SELENON: variants seen among roughly 807,000 people sequenced by gnomAD.
The protein encoded by SELENON is selenoprotein N, 1.
In SELENON, 44 loss-of-function variants were observed where a neutral mutation model predicts 59.5. That is an observed-to-expected ratio of 0.74 (90% CI 0.58 to 0.95). SELENON has a LOEUF of 0.95. Ranked by LOEUF, SELENON falls within the 40% of genes least tolerant of loss-of-function variation. SELENON has a pLI of 0.00. For synonymous variants in SELENON, 320 were observed against 305.6 expected, an observed-to-expected ratio of 1.05 and a Z score of -0.49; for missense variants, 674 against 721.4, an observed-to-expected ratio of 0.93 and a Z score of 0.75.
Position 25,814,067 on chromosome 1 carries a change from G to A in SELENON, c.1501-10G>A. 1 of 1,613,496 alleles carries A rather than the reference G, an allele frequency of 6.2e-7. No individual in the cohort carries two copies. Among genetic ancestry groups the A allele is most frequent in the African/African-American group, 1.3e-5 (1 of 75,014 alleles). ...GCCGCGGCATCAGGAGTGTGCAACTGTCCCCACAGAACAACCAGGAGAACT... is the reference window on the plus strand; with the variant it reads ...GCCGCGGCATCAGGAGTGTGCAACTATCCCCACAGAACAACCAGGAGAACT... On this transcript the variant is annotated splice_polypyrimidine_tract_variant and intron_variant, in intron 11 of 12. Coordinates refer to ENST00000361547, the MANE Select transcript of SELENON (RefSeq NM_020451.3).
At chr1:25,808,920 C>T in intron 5 of SELENON, 106 bp from the exon 5 acceptor site, 1 of 1,587,730 alleles carries the variant, frequency 6.3e-7, no homozygotes, top group Admixed American at 1.7e-5. Flanking sequence ...GACCTGCCCC[C>T]TCCCCATGGG....
In SELENON at chr1:25,809,069, T is replaced by C. The variant is rs1374573673; in HGVS notation, c.791T>C (p.Phe264Ser). 1 of 1,613,822 alleles carries C rather than the reference T, an allele frequency of 6.2e-7. No individual in the cohort carries two copies. The highest frequency in any genetic ancestry group is 8.5e-7 in the Non-Finnish European group (1 of 1,180,026). Reference sequence around the variant, plus strand: ...CTGAGCATGTTCCACCCTCGGCCCTTTGTGAAGACCCGCTTTGCCCCTCAG... The same window carrying C: ...CTGAGCATGTTCCACCCTCGGCCCTCTGTGAAGACCCGCTTTGCCCCTCAG... Residue 264 changes from phenylalanine (F) to serine (S), a missense_variant, in exon 6 of 13, where the codon TTT becomes TCT. By Grantham distance (155) the Phe-to-Ser change is radical. Coordinates refer to ENST00000361547, the MANE Select transcript of SELENON (RefSeq NM_020451.3).
Position 25,807,522 on chromosome 1 carries a change from T to A in SELENON, c.538-1058T>A, listed in dbSNP as rs1429316477. Among the ~76,000 whole-genome samples the A allele has an allele frequency of 6.6e-6, 1 of 152,050 alleles. No homozygotes were observed. Among genetic ancestry groups the A allele is most frequent in the Non-Finnish European group, 1.5e-5 (1 of 67,998 alleles). ...TCCGCACAGACAACAAGAACTGGGG[T>A]GAGGCAGGAGCAGCACCCCTAGCCC... On this transcript the variant is annotated intron_variant, in intron 4 of 12. Coordinates refer to ENST00000361547, the MANE Select transcript of SELENON (RefSeq NM_020451.3). This position sits in a 1 kb window ranked among gnomAD's most constrained non-coding sequence, Gnocchi z 4.5.
chr1:25,812,564 A>ACAC lies in SELENON; in HGVS notation c.1282-123_1282-122insCAC, dbSNP rs2047973228. 1.1e-3 allele frequency: 626 copies of ACAC among 574,340 alleles called. 1 individual carries two copies. The highest frequency in any genetic ancestry group is 2.8e-3 in the Middle Eastern group (6 of 2,142). 35.6% of individuals were successfully genotyped at this position (574,340 alleles called of 1,614,324 possible). On this transcript the variant is annotated intron_variant, in intron 9 of 12. Transcript: ENST00000361547. ...ACACAAATATATATGCCTACACACAAACACACACACACACACACACACACA... is the reference window on the plus strand; with the variant it reads ...ACACAAATATATATGCCTACACACAACACACACACACACACACACACACACACA...
intron 5 of SELENON, 62 bp from the exon 5 acceptor site, chr1:25,808,963 AC>A: frequency 6.2e-7 from 1 of 1,610,404 alleles, no homozygotes; most frequent in South Asian, 1.1e-5. Context: ...GCTGACCCCC[AC>A]CCCAGCGGAT....
In SELENON at chr1:25,818,007, G is replaced by A. The variant is rs797016488; in HGVS notation, c.*2289G>A. On this transcript the variant is annotated 3_prime_UTR_variant, in exon 13 of 13. Transcript: ENST00000361547. Reference sequence around the variant, plus strand: ...AGCCCATGCGAGCCCTTCTCCTGCTGCTCTGGGAGGGCCAGTTCCACATTG... The same window carrying A: ...AGCCCATGCGAGCCCTTCTCCTGCTACTCTGGGAGGGCCAGTTCCACATTG... 3 of 152,394 alleles carry A rather than the reference G, an allele frequency of 2.0e-5. No homozygotes were observed. The highest frequency in any genetic ancestry group is 7.2e-5 in the African/African-American group (3 of 41,446). The allele number at this position is 152,394 out of a possible 1,614,324, so 9.4% of individuals were successfully genotyped here. A position where few individuals can be genotyped will look rare whatever the true frequency, so the allele number is the denominator to read the frequency against.
At chr1:25,804,435 G>A (rs1394915943) in intron 3 of SELENON, among the ~76,000 whole-genome samples, 1 of 121,744 alleles carries the variant, frequency 8.2e-6, no homozygotes, top group African/African-American at 3.1e-5. Flanking sequence ...ACCCACCCCC[G>A]CCCTCCGCTG....
chr1:25,808,614 G>A lies in SELENON; in HGVS notation c.572G>A (p.Trp191Ter), dbSNP rs2047929645. 6.2e-7 allele frequency: 1 copy of A among 1,613,774 alleles called. No individual in the cohort carries two copies. Among genetic ancestry groups the A allele is most frequent in the Non-Finnish European group, 8.5e-7 (1 of 1,179,918 alleles). ...CTCGCCCTGTCCGGCCTCCGAAACT[G>A]GACAGCCGCCGCCTCACCAAGTGCA... Residue 191 changes from tryptophan to a stop codon, truncating the protein, a stop_gained, in exon 5 of 13, where the codon TGG becomes TAG. Coordinates refer to ENST00000361547, the MANE Select transcript of SELENON (RefSeq NM_020451.3). LOFTEE classifies it high-confidence loss of function.
chr1:25,813,786 G>A lies in SELENON; in HGVS notation c.1388-95G>A, dbSNP rs1572236645. On this transcript the variant is annotated intron_variant, in intron 10 of 12. Transcript: ENST00000361547. ...TTTGAATCTGTTATTTCACTTGGGT[G>A]CAGAGACTGTCCTGCAGCCCGTGAG... 4 of 867,532 alleles carry A rather than the reference G, an allele frequency of 4.6e-6. No homozygotes were observed. The Middle Eastern group carries it at 6.5e-4, about 142-fold the overall frequency. The allele number at this position is 867,532 out of a possible 1,614,324, so 53.7% of individuals were successfully genotyped here.
At position 25,807,950 on chromosome 1, in the gene SELENON, G is replaced by A. The variant is rs2047921826; in HGVS notation, c.538-630G>A. On this transcript the variant is annotated intron_variant, in intron 4 of 12. Transcript: ENST00000361547. The surrounding 1 kb of genome is among the most constrained non-coding windows in gnomAD (Gnocchi z 4.5). The stretch of plus-strand genomic sequence containing the variant: ...GGTGGGGCAGGCTGTACTTAAGGCA[G>A]GGCCCTTCTGGGGGTGGCCTTCCTT... 6.6e-6 allele frequency among the ~76,000 whole-genome samples: 1 copy of A among 152,222 alleles called. No homozygotes were observed. Among genetic ancestry groups the A allele is most frequent in the South Asian group, 2.1e-4 (1 of 4,836 alleles).
chr1:25,812,858 C>G (rs2047978689), intron 10 of SELENON, 66 bp downstream of exon 9: 1 of 1,240,960 alleles, frequency 8.1e-7, no homozygotes, highest in Non-Finnish European at 1.2e-6. Context: ...GTACCAGAGG[C>G]TCTGAGACCA....
In SELENON at chr1:25,814,134, A is replaced by C. The variant is rs2047990227; in HGVS notation, c.1558A>C (p.Ser520Arg). The C allele has an allele frequency of 6.2e-7, 1 of 1,614,062 alleles. No individual in the cohort carries two copies. Among genetic ancestry groups the C allele is most frequent in the African/African-American group, 1.3e-5 (1 of 74,930 alleles). ...GGCTGGCCTGCACCTGGAGAAGTACAGCTTCCCCGTGGAGATGATGATCTG... is the reference window on the plus strand; with the variant it reads ...GGCTGGCCTGCACCTGGAGAAGTACCGCTTCCCCGTGGAGATGATGATCTG... Residue 520 changes from serine to arginine, a missense_variant, in exon 12 of 13, where the codon AGC becomes CGC. By Grantham distance (110) the Ser-to-Arg change is moderately radical. Coordinates refer to ENST00000361547, the MANE Select transcript of SELENON (RefSeq NM_020451.3).
chr1:25,808,567 T>TC lies in SELENON; in HGVS notation c.538-8dup. The TC allele has an allele frequency of 6.2e-7, 1 of 1,612,526 alleles. No homozygotes were observed. The highest frequency in any genetic ancestry group is 8.5e-7 in the Non-Finnish European group (1 of 1,179,602). On this transcript the variant is annotated splice_polypyrimidine_tract_variant and intron_variant, in intron 4 of 12. Coordinates refer to ENST00000361547, the MANE Select transcript of SELENON (RefSeq NM_020451.3). ...TTCTCAGATTCCTGGAGCTTTGCTT[T>TC]CCCCCGCCCCAGGTCTCCCGCCTCG...
At position 25,816,659 on chromosome 1, in the gene SELENON, T is replaced by C. The variant is rs2048013728; in HGVS notation, c.*941T>C. On this transcript the variant is annotated 3_prime_UTR_variant, in exon 13 of 13. Transcript: ENST00000361547. ...CACCACGGACTCCCCTTGGCCACTC[T>C]TGGGACTTTGGTCCACGTCCTGAGC... 2 of 152,758 alleles carry C rather than the reference T, an allele frequency of 1.3e-5. No individual in the cohort carries two copies. The highest frequency in any genetic ancestry group is 2.9e-5 in the Non-Finnish European group (2 of 68,096). 9.5% of individuals were successfully genotyped at this position (152,758 alleles called of 1,614,324 possible).
intron 3 of SELENON, 147 bp from the exon 3 acceptor site, chr1:25,804,995 C>G (rs1347879618): frequency 1.1e-6 from 1 of 948,664 alleles, no homozygotes; most frequent in Non-Finnish European, 1.7e-6. Context: ...AAATGCGATA[C>G]ACTGGTTGTT....
rs1359910701 is a variant in SELENON at position 25,815,800 on chromosome 1, C to T, written c.*82C>T. 3.3e-5 allele frequency: 48 copies of T among 1,442,490 alleles called. No homozygotes were observed. The highest frequency in any genetic ancestry group is 4.6e-5 in the East Asian group (2 of 43,908). 89.4% of individuals were successfully genotyped at this position (1,442,490 alleles called of 1,614,324 possible). ...TCAGCCCATTTCAGACTGCAGATGC[C>T]GCCCACTCCCACCCCACTCCTAGGC... On this transcript the variant is annotated 3_prime_UTR_variant, in exon 13 of 13. Coordinates refer to ENST00000361547, the MANE Select transcript of SELENON (RefSeq NM_020451.3).
rs1400125236 is a variant in SELENON, at chr1:25,805,783, G to A, written c.537+508G>A. 2.0e-5 allele frequency among the ~76,000 whole-genome samples: 3 copies of A among 152,154 alleles called. 1 individual carries two copies. Among genetic ancestry groups the A allele is most frequent in the Non-Finnish European group, 4.4e-5 (3 of 68,028 alleles). On this transcript the variant is annotated intron_variant, in intron 4 of 12. Transcript: ENST00000361547. ...GTTTGGTCCCCAGCAGAGGGCTGTGGGGTGGGGAGGGCACCTGAGAAGGTG... is the reference window on the plus strand; with the variant it reads ...GTTTGGTCCCCAGCAGAGGGCTGTGAGGTGGGGAGGGCACCTGAGAAGGTG...
chr1:25,811,798 TGAG>T lies in SELENON; in HGVS notation c.1204_1206del (p.Glu402del), dbSNP rs1197764943. On this transcript the variant is annotated inframe_deletion, in exon 9 of 13. Transcript: ENST00000361547. ...CAGGGGAGCCCCTGCAGTTTGTGTT[TGAG>T]GAGATCAAGTGGCAGCAGGAGCTGA... The T allele has an allele frequency of 1.3e-6, 2 of 1,588,808 alleles. No homozygotes were observed. The highest frequency in any genetic ancestry group is 3.6e-5 in the Admixed American group (2 of 55,022).
intron 3 of SELENON, among the ~76,000 whole-genome samples, chr1:25,804,877 T>C (rs2047892191): frequency 1.3e-5 from 2 of 152,134 alleles, no homozygotes; most frequent in African/African-American, 4.8e-5. Flanking sequence ...TCCCCCACCA[T>C]CTAGCTATGT....
Sources: allele counts gnomAD v4.1 joint callset (sites outside exome capture counted in the v4.1 genomes callset), GRCh38; gene constraint gnomAD v4.1.1; non-coding constraint Gnocchi (gnomAD v3.1); transcripts MANE v1.5; gene names NCBI Gene and HGNC (gene_info 2026-07-23, HGNC 2026-07-21).